IRAK3: variants seen among roughly 807,000 people sequenced by gnomAD.
IRAK3 encodes the protein interleukin 1 receptor associated kinase 3.
IRAK3 carries 57 observed loss-of-function variants against 56.6 expected under a neutral mutation model. That is an observed-to-expected ratio of 1.01 (90% CI 0.81 to 1.26). The LOEUF (loss-of-function observed/expected upper bound fraction) is 1.26, where lower values mean the gene tolerates loss of function less well. Ranked by LOEUF, IRAK3 falls within the 50% of genes most tolerant of loss-of-function variation. IRAK3 has a pLI of 0.00. For synonymous variants in IRAK3, 258 were observed against 255.7 expected, an observed-to-expected ratio of 1.01 and a Z score of -0.09; for missense variants, 703 against 719.0, an observed-to-expected ratio of 0.98 and a Z score of 0.25.
chr12:66,241,174 A>G (rs977017447), intron 8 of IRAK3, among the ~76,000 whole-genome samples: 2 of 152,184 alleles, frequency 1.3e-5, no homozygotes, highest in Non-Finnish European at 2.9e-5. Context: ...AGGATTCTCC[A>G]TACTTCCTCA....
chr12:66,238,436 C>T (rs925147231), intron 8 of IRAK3, among the ~76,000 whole-genome samples: 1 of 152,188 alleles, frequency 6.6e-6, no homozygotes, highest in Non-Finnish European at 1.5e-5. Flanking sequence ...GCCTCTGTCT[C>T]ATGGCTGTAG....
chr12:66,214,591 A>C (rs1185357196), intron 5 of IRAK3, among the ~76,000 whole-genome samples: 2 of 152,034 alleles, frequency 1.3e-5, no homozygotes, highest in Non-Finnish European at 2.9e-5. Context: ...AGGCAGAAAG[A>C]CCTGGTAGAG....
chr12:66,192,498 T>G (rs968326433), intron 1 of IRAK3, among the ~76,000 whole-genome samples: 3 of 152,186 alleles, frequency 2.0e-5, no homozygotes, highest in Admixed American at 6.5e-5. Flanking sequence ...AATTAAATTA[T>G]TTGGAGCAGC....
chr12:66,197,006 C>T, intron 1 of IRAK3: 1 of 1,532,788 alleles, frequency 6.5e-7, no homozygotes, highest in Non-Finnish European at 8.7e-7. Context: ...CCTTCAGAGA[C>T]ATATTTGCAT....
chr12:66,200,303 C>A (rs940663226), intron 1 of IRAK3, among the ~76,000 whole-genome samples: 9 of 152,086 alleles, frequency 5.9e-5, no homozygotes, highest in African/African-American at 2.2e-4. Context: ...CTTTTTGCTC[C>A]CAGGAAGAAC....
Position 66,203,707 on chromosome 12 carries a change from A to G in IRAK3, c.134-4A>G, listed in dbSNP as rs746427429. The G allele has an allele frequency of 1.5e-5, 24 of 1,613,726 alleles. No individual in the cohort carries two copies. The highest frequency in any genetic ancestry group is 2.0e-5 in the Non-Finnish European group (24 of 1,179,812). ...ATTCTTTGTTTATATTGCAATTTCC[A>G]CAGCAGAGAGACTTTCAAGCAGCTG... On this transcript the variant is annotated splice_region_variant and splice_polypyrimidine_tract_variant and intron_variant, in intron 1 of 11. Coordinates refer to ENST00000261233, the MANE Select transcript of IRAK3 (RefSeq NM_007199.3).
At position 66,215,806 on chromosome 12, in the gene IRAK3, A is replaced by G. The variant is rs1241585762; in HGVS notation, c.589-1365A>G. ...AACATGCACACACACACACACACAC[A>G]CACACACACACACACACACACACTT... is the stretch of plus-strand genomic sequence containing the variant. On this transcript the variant is annotated intron_variant, in intron 5 of 11. Transcript: ENST00000261233. 4.5e-3 allele frequency among the ~76,000 whole-genome samples: 358 copies of G among 79,554 alleles called. 5 individuals carry two copies. The highest frequency in any genetic ancestry group is 0.016 in the African/African-American group (346 of 21,840). 52.2% of individuals were successfully genotyped at this position (79,554 alleles called of 152,430 possible).
At chr12:66,244,160 A>G (rs1463341834) in intron 8 of IRAK3, among the ~76,000 whole-genome samples, 1 of 152,236 alleles carries the variant, frequency 6.6e-6, no homozygotes, top group Non-Finnish European at 1.5e-5. Flanking sequence ...AGTGTAAGAA[A>G]AGCACAAGGA....
At chr12:66,210,877 A>G (rs111272159) in intron 4 of IRAK3, among the ~76,000 whole-genome samples, 212 of 152,338 alleles carry the variant, frequency 1.4e-3, no homozygotes, top group Admixed American at 6.3e-3. Flanking sequence ...GTTCTGAAGG[A>G]CATAGCCAAA....
chr12:66,231,218 AAT>A (rs2052840698), intron 8 of IRAK3, among the ~76,000 whole-genome samples: 1 of 152,174 alleles, frequency 6.6e-6, no homozygotes, highest in Non-Finnish European at 1.5e-5. Context: ...CTTCTCTGTT[AAT>A]ATGTTTACTG....
At chr12:66,240,392 ACCTG>A (rs1168081759) in intron 8 of IRAK3, among the ~76,000 whole-genome samples, 1 of 152,170 alleles carries the variant, frequency 6.6e-6, no homozygotes, top group Non-Finnish European at 1.5e-5. Context: ...TGTCTCTCAG[ACCTG>A]CCTAGGTTCA....
At chr12:66,233,102 T>G (rs1241207628) in intron 8 of IRAK3, among the ~76,000 whole-genome samples, 1 of 152,110 alleles carries the variant, frequency 6.6e-6, no homozygotes, top group East Asian at 1.9e-4. Context: ...ATAGACCAGC[T>G]CATCTGGTCA....
chr12:66,240,298 A>T (rs574449885), intron 8 of IRAK3, among the ~76,000 whole-genome samples: 6 of 152,272 alleles, frequency 3.9e-5, no homozygotes, highest in African/African-American at 1.4e-4. Flanking sequence ...TTCACAATTA[A>T]AGGAGGAACA....
intron 1 of IRAK3, chr12:66,196,834 C>T: frequency 2.8e-6 from 4 of 1,437,562 alleles, no homozygotes; most frequent in Non-Finnish European, 2.7e-6. Flanking sequence ...TAATTTTTTG[C>T]ATGCTTTGTA....
intron 1 of IRAK3, chr12:66,197,456 A>G: frequency 1.0e-6 from 1 of 983,000 alleles, no homozygotes; most frequent in Non-Finnish European, 1.2e-6. Flanking sequence ...TAAATGAAGT[A>G]TACATTTTAT....
chr12:66,234,134 T>A, intron 8 of IRAK3: 1 of 1,614,234 alleles, frequency 6.2e-7, no homozygotes, highest in Non-Finnish European at 8.5e-7. Flanking sequence ...AGCCACCTGC[T>A]GTTGACCACT....
chr12:66,219,419 T>C (rs1281418675), intron 6 of IRAK3, among the ~76,000 whole-genome samples: 1 of 152,258 alleles, frequency 6.6e-6, no homozygotes, highest in Non-Finnish European at 1.5e-5. Flanking sequence ...TCTGTTCTTT[T>C]GTCTGCCGCC....
rs746518112 is a variant in IRAK3, at chr12:66,209,460, A to G, written c.321A>G (p.Ala107=). ...CTTCCCATATTTCTCTTTCAGGAGC[A>G]GTGTTGAGTCCTTCAGAGAAGAGTT... The part of the protein sequence containing the change: ...RAIHLITNYG[A]VLSPSEKSYQ... Residue 107 remains alanine (A), a synonymous_variant, in exon 3 of 12, where the codon GCA becomes GCG. Coordinates refer to ENST00000261233, the MANE Select transcript of IRAK3 (RefSeq NM_007199.3). 6.2e-7 allele frequency: 1 copy of G among 1,601,026 alleles called. No individual in the cohort carries two copies. Among genetic ancestry groups the G allele is most frequent in the South Asian group, 1.1e-5 (1 of 90,844 alleles).
chr12:66,226,637 C>T, intron 6 of IRAK3, 86 bp from the exon 7 acceptor site: 1 of 793,338 alleles, frequency 1.3e-6, no homozygotes, highest in Non-Finnish European at 2.3e-6. Flanking sequence ...ATTCCCCATC[C>T]CACCTTACTA....
Sources: gnomAD v4.1 joint callset for allele counts (sites outside exome capture counted in the v4.1 genomes callset) on GRCh38, gnomAD v4.1.1 for gene constraint, MANE v1.5 for transcripts, NCBI Gene and HGNC (gene_info 2026-07-23, HGNC 2026-07-21) for gene names.